Variants in MYF5 observed in about 807,000 individuals in gnomAD.
MYF5 encodes myogenic factor 5, also known as class C basic helix-loop-helix protein 2.
A neutral mutation model predicts 22.3 loss-of-function variants in MYF5; 20 were observed. The observed-to-expected ratio is 0.90, with a 90% CI of 0.63 to 1.30. The LOEUF is 1.30. Ranked by LOEUF, MYF5 falls within the 50% of genes most tolerant of loss-of-function variation. The probability of loss-of-function intolerance (pLI) is 0.00; values close to 1 mark genes in which losing one functional copy is unlikely to be tolerated. For missense variants in MYF5, 348 were observed against 325.9 expected (o/e 1.07, Z -0.52); for synonymous variants, 141 against 128.4 (o/e 1.10, Z -0.66).
Position 80,717,028 on chromosome 12 carries a change from G to A in MYF5, c.-36G>A, listed in dbSNP as rs538777579. 1 of 1,562,160 alleles carries A rather than the reference G, an allele frequency of 6.4e-7. No individual in the cohort carries two copies. Among genetic ancestry groups the A allele is most frequent in the East Asian group, 2.3e-5 (1 of 44,156 alleles). ...GCTCCCGTTTCTCCCCATCCCTCTC[G>A]CTGCCGTCCAGGTGCACCGCCTGCC... is the stretch of plus-strand genomic sequence containing the variant. On this transcript the variant is annotated 5_prime_UTR_variant, in exon 1 of 3. Transcript: ENST00000228644.
rs1215988930 is a variant in MYF5 at position 80,718,969 on chromosome 12, C to T, written c.686C>T (p.Ser229Phe). ...QPGLPLQDLA[S>F]LSPVASTDSQ... ...GGGTTGCCTCTCCAGGATCTGGCTT[C>T]TCTCTCTCCAGTTGCCAGCACCGAT... The change falls in exon 3 of 3, where the codon TCT becomes TTT. Residue 229 changes from serine (S) to phenylalanine (F), a missense_variant. Physicochemically the swap from Ser to Phe is radical, Grantham distance 155. Coordinates refer to ENST00000228644, the MANE Select transcript of MYF5 (RefSeq NM_005593.3). The T allele has an allele frequency of 1.9e-6, 3 of 1,614,110 alleles. No homozygotes were observed. The Admixed American group carries it at 5.0e-5, about 27-fold the overall frequency.
chr12:80,717,323 C>T lies in MYF5; in HGVS notation c.260C>T (p.Ala87Val). ...RKSTTMDRRK[A>V]ATMRERRRLK... ...TCCACCACCATGGATCGGCGGAAGGCAGCCACTATGCGCGAGCGGAGGCGC... is the reference window on the plus strand; with the variant it reads ...TCCACCACCATGGATCGGCGGAAGGTAGCCACTATGCGCGAGCGGAGGCGC... The change falls in exon 1 of 3, where the codon GCA (alanine) becomes GTA (valine). Residue 87 changes from alanine to valine, a missense_variant. Transcript: ENST00000228644. 8 of 1,614,164 alleles carry T rather than the reference C, an allele frequency of 5.0e-6. No individual in the cohort carries two copies. Among genetic ancestry groups the T allele is most frequent in the Non-Finnish European group, 5.9e-6 (7 of 1,180,048 alleles).
rs2121362365 is a variant in MYF5, at chr12:80,719,330, T to C, written c.*279T>C. On this transcript the variant is annotated 3_prime_UTR_variant, in exon 3 of 3. Coordinates refer to ENST00000228644, the MANE Select transcript of MYF5 (RefSeq NM_005593.3). ...AGGGGGCCATTGATTGAGGGTAGCT[T>C]GTTGCAATGCTTAACTTATATATAC... The C allele has an allele frequency of 5.2e-6, 1 of 191,408 alleles. No homozygotes were observed. The highest frequency in any genetic ancestry group is 2.2e-3 in the Middle Eastern group (1 of 464). 11.9% of individuals were successfully genotyped at this position (191,408 alleles called of 1,614,324 possible). A position where few individuals can be genotyped will look rare whatever the true frequency, so the allele number is the denominator to read the frequency against.
chr12:80,717,004 C>G lies in MYF5; in HGVS notation c.-60C>G, dbSNP rs2121357803. The G allele has an allele frequency of 6.5e-6, 10 of 1,536,568 alleles. No homozygotes were observed. Among genetic ancestry groups the G allele is most frequent in the Non-Finnish European group, 8.7e-6 (10 of 1,144,794 alleles). On this transcript the variant is annotated 5_prime_UTR_variant, in exon 1 of 3. Transcript: ENST00000228644. Reference sequence around the variant, plus strand: ...TTTGCCCATCGGCGGAGGCGCCAGGCTCCCGTTTCTCCCCATCCCTCTCGC... The same window carrying G: ...TTTGCCCATCGGCGGAGGCGCCAGGGTCCCGTTTCTCCCCATCCCTCTCGC...
chr12:80,717,579 T>C lies in MYF5; in HGVS notation c.501+15T>C. 1.9e-6 allele frequency: 3 copies of C among 1,610,186 alleles called. No homozygotes were observed. Among genetic ancestry groups the C allele is most frequent in the Middle Eastern group, 1.7e-4 (1 of 6,056 alleles). ...CTGATGGCATGGTAAGCAATAGATC[T>C]GGTACCTGCTAGGCTACCCTAATCT... is the stretch of plus-strand genomic sequence containing the variant. On this transcript the variant is annotated intron_variant, in intron 1 of 2. Transcript: ENST00000228644.
rs770793954 is a variant in MYF5, at chr12:80,719,034, A to G, written c.751A>G (p.Ile251Val). 1.9e-6 allele frequency: 3 copies of G among 1,614,088 alleles called. No individual in the cohort carries two copies. Among genetic ancestry groups the G allele is most frequent in the Middle Eastern group, 1.6e-4 (1 of 6,062 alleles). The change falls in exon 3 of 3, where the codon ATC becomes GTC. Residue 251 changes from isoleucine (I) to valine (V), a missense_variant. Coordinates refer to ENST00000228644, the MANE Select transcript of MYF5 (RefSeq NM_005593.3). ...TCCAGGGGCTTCTAGTTCCAGGCTT[A>G]TCTATCATGTGCTATGAACTAATTT... ...ATPGASSSRL[I>V]YHVL
At position 80,717,073 on chromosome 12, in the gene MYF5, A is replaced by G. The variant is rs1279137831; in HGVS notation, c.10A>G (p.Met4Val). The change falls in exon 1 of 3, where the codon ATG becomes GTG. Residue 4 changes from methionine to valine, a missense_variant. Met to Val is a conservative substitution (Grantham distance 21). Coordinates refer to ENST00000228644, the MANE Select transcript of MYF5 (RefSeq NM_005593.3). ...CCTGCCTCTCAGCAGGATGGACGTG[A>G]TGGATGGCTGCCAGTTCTCACCTTC... MDV[M>V]DGCQFSPSEY... 1 of 1,602,622 alleles carries G rather than the reference A, an allele frequency of 6.2e-7. No individual in the cohort carries two copies. The highest frequency in any genetic ancestry group is 8.5e-7 in the Non-Finnish European group (1 of 1,176,954).
Position 80,719,046 on chromosome 12 carries a change from C to T in MYF5, c.763C>T (p.Leu255=), listed in dbSNP as rs375987118. ...ASSSRLIYHV[L] ...TAGTTCCAGGCTTATCTATCATGTG[C>T]TATGAACTAATTTTCTGGTCTATAT... is the stretch of plus-strand genomic sequence containing the variant. Residue 255 remains leucine, a synonymous_variant, in exon 3 of 3, where the codon CTA becomes TTA. Transcript: ENST00000228644. The T allele has an allele frequency of 6.8e-6, 11 of 1,613,440 alleles. No individual in the cohort carries two copies. The African/African-American group carries it at 9.4e-5, about 14-fold the overall frequency.
Position 80,717,297 on chromosome 12 carries a change from G to C in MYF5, c.234G>C (p.Lys78Asn). ...GGGCCTGCAAAGCCTGCAAGAGGAA[G>C]TCCACCACCATGGATCGGCGGAAGG... Reference protein sequence around the residue: ...LMWACKACKRKSTTMDRRKAA... With the variant: ...LMWACKACKRNSTTMDRRKAA... The change falls in exon 1 of 3, where the codon AAG becomes AAC. Residue 78 changes from lysine (K) to asparagine (N), a missense_variant. Transcript: ENST00000228644. 1 of 1,614,148 alleles carries C rather than the reference G, an allele frequency of 6.2e-7. No homozygotes were observed. The highest frequency in any genetic ancestry group is 8.5e-7 in the Non-Finnish European group (1 of 1,180,040).
chr12:80,717,029 C>A lies in MYF5; in HGVS notation c.-35C>A. On this transcript the variant is annotated 5_prime_UTR_variant, in exon 1 of 3. It adds an upstream start codon to the 5' untranslated region. Transcript: ENST00000228644. Reference sequence around the variant, plus strand: ...CTCCCGTTTCTCCCCATCCCTCTCGCTGCCGTCCAGGTGCACCGCCTGCCT... The same window carrying A: ...CTCCCGTTTCTCCCCATCCCTCTCGATGCCGTCCAGGTGCACCGCCTGCCT... The A allele has an allele frequency of 6.4e-7, 1 of 1,565,012 alleles. No individual in the cohort carries two copies. The highest frequency in any genetic ancestry group is 1.3e-5 in the African/African-American group (1 of 74,518).
chr12:80,718,488 G>A (rs1423140292), intron 2 of MYF5, 55 bp downstream of exon 2: 4 of 1,389,496 alleles, frequency 2.9e-6, no homozygotes, highest in Non-Finnish European at 4.1e-6. Context: ...TAACAATTCA[G>A]CCTATAAGAT....
Position 80,717,252 on chromosome 12 carries a change from G to T in MYF5, c.189G>T (p.Gln63His). The change falls in exon 1 of 3, where the codon CAG becomes CAT. Residue 63 changes from glutamine to histidine, a missense_variant. By Grantham distance (24) the Gln-to-His change is conservative. Coordinates refer to ENST00000228644, the MANE Select transcript of MYF5 (RefSeq NM_005593.3). ...EHVRAPTGHH[Q>H]AGHCLMWACK... Reference sequence around the variant, plus strand: ...TGCGAGCGCCTACCGGCCACCACCAGGCTGGTCACTGCCTCATGTGGGCCT... The same window carrying T: ...TGCGAGCGCCTACCGGCCACCACCATGCTGGTCACTGCCTCATGTGGGCCT... 6.2e-7 allele frequency: 1 copy of T among 1,614,124 alleles called. No homozygotes were observed. Among genetic ancestry groups the T allele is most frequent in the South Asian group, 1.1e-5 (1 of 91,084 alleles).
At position 80,718,927 on chromosome 12, in the gene MYF5, C is replaced by A; in HGVS notation, c.644C>A (p.Thr215Asn). ...TTATCCAACATAGTGGACCGGATCACCTCCTCAGAGCAACCTGGGTTGCCT... is the reference window on the plus strand; with the variant it reads ...TTATCCAACATAGTGGACCGGATCAACTCCTCAGAGCAACCTGGGTTGCCT... ...DCLSNIVDRI[T>N]SSEQPGLPLQ... Residue 215 changes from threonine to asparagine, a missense_variant, in exon 3 of 3, where the codon ACC (threonine) becomes AAC (asparagine). Physicochemically the swap from Thr to Asn is moderately conservative, Grantham distance 65 (BLOSUM62 0). Coordinates refer to ENST00000228644, the MANE Select transcript of MYF5 (RefSeq NM_005593.3). 1 of 1,614,100 alleles carries A rather than the reference C, an allele frequency of 6.2e-7. No individual in the cohort carries two copies. The highest frequency in any genetic ancestry group is 8.5e-7 in the Non-Finnish European group (1 of 1,179,978).
At position 80,719,112 on chromosome 12, in the gene MYF5, C is replaced by A; in HGVS notation, c.*61C>A. 1.4e-6 allele frequency: 2 copies of A among 1,400,536 alleles called. No individual in the cohort carries two copies. The highest frequency in any genetic ancestry group is 2.2e-5 in the Admixed American group (1 of 45,506). The allele number at this position is 1,400,536 out of a possible 1,614,324, so 86.8% of individuals were successfully genotyped here. A position where few individuals can be genotyped will look rare whatever the true frequency, so the allele number is the denominator to read the frequency against. ...GGCCTAATACACAGGAAGAAGAAGG[C>A]TTCAAAAAGTCCCAAACCAAGACAA... On this transcript the variant is annotated 3_prime_UTR_variant, in exon 3 of 3. Coordinates refer to ENST00000228644, the MANE Select transcript of MYF5 (RefSeq NM_005593.3).
chr12:80,718,803 G>A (rs1868673015), intron 2 of MYF5, 58 bp from the exon 3 acceptor site: 11 of 1,428,420 alleles, frequency 7.7e-6, no homozygotes, highest in Admixed American at 7.4e-5. Flanking sequence ...AGCAACATAA[G>A]CAAATCTGTC....
chr12:80,718,811 G>T (rs1363851141), intron 2 of MYF5, 50 bp from the exon 3 acceptor site: 5 of 1,469,902 alleles, frequency 3.4e-6, no homozygotes, highest in Non-Finnish European at 4.7e-6. Flanking sequence ...AAGCAAATCT[G>T]TCTATCTTGG....
At chr12:80,718,641 A>G (rs1258979603) in intron 2 of MYF5, among the ~76,000 whole-genome samples, 1 of 152,144 alleles carries the variant, frequency 6.6e-6, no homozygotes, top group Non-Finnish European at 1.5e-5. Flanking sequence ...ACACATGCAC[A>G]CACAATGTTG....
Position 80,718,383 on chromosome 12 carries a change from C to T in MYF5, c.527C>T (p.Ser176Phe). 6.2e-7 allele frequency: 1 copy of T among 1,614,006 alleles called. No individual in the cohort carries two copies. The highest frequency in any genetic ancestry group is 8.5e-7 in the Non-Finnish European group (1 of 1,179,910). ...GMPECNSPVW[S>F]RKSSTFDSIY... is the part of the protein sequence containing the mutation. ...CCCGAATGTAACAGTCCTGTCTGGT[C>T]CAGAAAGAGCAGTACTTTTGACAGC... The change falls in exon 2 of 3, where the codon TCC becomes TTC. Residue 176 changes from serine to phenylalanine, a missense_variant. By Grantham distance (155) the Ser-to-Phe change is radical. Coordinates refer to ENST00000228644, the MANE Select transcript of MYF5 (RefSeq NM_005593.3).
chr12:80,717,656 T>C, intron 1 of MYF5, 92 bp downstream of exon 1: 1 of 1,448,506 alleles, frequency 6.9e-7, no homozygotes, highest in Non-Finnish European at 9.3e-7. Context: ...GAGAGTGGGG[T>C]GGAGGCAGAT....
Sources: gnomAD v4.1 joint callset for allele counts (sites outside exome capture counted in the v4.1 genomes callset) on GRCh38, gnomAD v4.1.1 for gene constraint, MANE v1.5 for transcripts, NCBI Gene and HGNC (gene_info 2026-07-23, HGNC 2026-07-21) for gene names.